BAIAP2L1: variants seen among roughly 807,000 people sequenced by gnomAD.
BAIAP2L1 encodes BAR/IMD domain containing adaptor protein 2 like 1.
BAIAP2L1 carries 35 observed loss-of-function variants against 66.3 expected under a neutral mutation model. The ratio of observed to expected loss-of-function variants is 0.53; its 90% CI spans 0.40 to 0.70. BAIAP2L1 has a LOEUF of 0.70. Among genes scored for constraint, BAIAP2L1 ranks in the 30% least tolerant of loss-of-function variants. The pLI, the probability that BAIAP2L1 is intolerant of heterozygous loss-of-function variation, is 0.00. For synonymous variants in BAIAP2L1, 269 were observed against 248.7 expected, an observed-to-expected ratio of 1.08 and a Z score of -0.77; for missense variants, 622 against 656.9, an observed-to-expected ratio of 0.95 and a Z score of 0.58.
intron 3 of BAIAP2L1, among the ~76,000 whole-genome samples, chr7:98,336,019 A>G (rs930675491): frequency 6.6e-6 from 1 of 152,172 alleles, no homozygotes; most frequent in Non-Finnish European, 1.5e-5. Flanking sequence ...GCTGGAGGCC[A>G]GTATCCTAAG....
At chr7:98,343,636 C>T (rs2115645757) in intron 3 of BAIAP2L1, among the ~76,000 whole-genome samples, 1 of 152,240 alleles carries the variant, frequency 6.6e-6, no homozygotes, top group Non-Finnish European at 1.5e-5. Flanking sequence ...ACCTTAAATC[C>T]AGACACTTAG....
intron 12 of BAIAP2L1, among the ~76,000 whole-genome samples, chr7:98,298,879 T>G (rs1270394136): frequency 6.6e-6 from 1 of 151,512 alleles, no homozygotes; most frequent in Non-Finnish European, 1.5e-5. Flanking sequence ...TCTTGCTCTG[T>G]CACCCAGGCT....
intron 1 of BAIAP2L1, among the ~76,000 whole-genome samples, chr7:98,387,657 C>T (rs1266625451): frequency 6.6e-6 from 1 of 151,248 alleles, no homozygotes; most frequent in Non-Finnish European, 1.5e-5. Context: ...CCCAGGAGTT[C>T]GAGACCAGCC....
intron 3 of BAIAP2L1, among the ~76,000 whole-genome samples, chr7:98,351,164 A>G (rs563801813): frequency 2.6e-5 from 4 of 152,226 alleles, no homozygotes; most frequent in South Asian, 4.1e-4. Flanking sequence ...CCCGGCCACA[A>G]TTATGAAGTC....
intron 3 of BAIAP2L1, among the ~76,000 whole-genome samples, chr7:98,328,109 CAT>C (rs1030695957): frequency 2.6e-5 from 4 of 151,614 alleles, no homozygotes; most frequent in African/African-American, 7.3e-5. Flanking sequence ...GCTCAAAAGA[CAT>C]TGATTTTTTT....
At chr7:98,397,071 G>A (rs2115867858) in intron 1 of BAIAP2L1, among the ~76,000 whole-genome samples, 1 of 152,166 alleles carries the variant, frequency 6.6e-6, no homozygotes, top group Admixed American at 6.5e-5. Context: ...GGAAGAGAGG[G>A]AAAGAAACAT....
chr7:98,359,207 C>G (rs1263755074), intron 2 of BAIAP2L1, among the ~76,000 whole-genome samples: 2 of 152,210 alleles, frequency 1.3e-5, no homozygotes, highest in African/African-American at 4.8e-5. Flanking sequence ...TGACCCTATC[C>G]CGCCCACGCC....
chr7:98,361,720 G>A (rs1802273985), intron 2 of BAIAP2L1, among the ~76,000 whole-genome samples: 1 of 152,042 alleles, frequency 6.6e-6, no homozygotes, highest in Non-Finnish European at 1.5e-5. Flanking sequence ...TTTCCATTCA[G>A]GCTAAAAAAA....
At chr7:98,392,376 T>C (rs2115847053) in intron 1 of BAIAP2L1, among the ~76,000 whole-genome samples, 1 of 151,944 alleles carries the variant, frequency 6.6e-6, no homozygotes, top group South Asian at 2.1e-4. Flanking sequence ...CTGGCTAGAG[T>C]TCAGGGAAAG....
intron 1 of BAIAP2L1, among the ~76,000 whole-genome samples, chr7:98,389,347 C>G (rs1584506418): frequency 6.6e-6 from 1 of 151,916 alleles, no homozygotes; most frequent in South Asian, 2.1e-4. Flanking sequence ...GAGACAGAGT[C>G]TCACTCTGTC....
intron 3 of BAIAP2L1, among the ~76,000 whole-genome samples, chr7:98,354,769 G>A (rs528276971): frequency 1.2e-4 from 19 of 152,158 alleles, no homozygotes; most frequent in Non-Finnish European, 1.8e-4. Context: ...AACTCCCAGC[G>A]GGAAGGGTGA....
At position 98,356,103 on chromosome 7, in the gene BAIAP2L1, T is replaced by A. The variant is rs6944262; in HGVS notation, c.128-975A>T. Among the ~76,000 whole-genome samples, 88 of 152,122 alleles carry A rather than the reference T, an allele frequency of 5.8e-4. 1 individual carries two copies. The East Asian group carries it at 0.015, about 27-fold the overall frequency. ...AAAAATAGTACTGCCCCCTTCGAAC[T>A]GATTCTGAAGACTAAATTATAACTA... is the stretch of plus-strand genomic sequence containing the variant. On this transcript the variant is annotated intron_variant, in intron 2 of 13. Transcript: ENST00000005260.
chr7:98,307,684 C>T lies in BAIAP2L1; in HGVS notation c.1163+5G>A. 1 of 1,613,730 alleles carries T rather than the reference C, an allele frequency of 6.2e-7. No individual in the cohort carries two copies. On this transcript the variant is annotated splice_donor_5th_base_variant and intron_variant, in intron 10 of 13. Coordinates refer to ENST00000005260, the MANE Select transcript of BAIAP2L1 (RefSeq NM_018842.5). Reference sequence around the variant, plus strand: ...CCCTGCGGGGACCATCACGCCCAGACTTACGCCTTGGACACGTCGTGTTCT... The same window carrying T: ...CCCTGCGGGGACCATCACGCCCAGATTTACGCCTTGGACACGTCGTGTTCT...
intron 12 of BAIAP2L1, among the ~76,000 whole-genome samples, chr7:98,295,094 CAG>C (rs1273385455): frequency 2.6e-5 from 4 of 152,220 alleles, no homozygotes; most frequent in African/African-American, 7.2e-5. Context: ...CAGGGGGTCT[CAG>C]GGAGCACGCA....
At chr7:98,308,590 G>C (rs752310191) in intron 9 of BAIAP2L1, 51 of 304,968 alleles carry the variant, frequency 1.7e-4, no homozygotes, top group Non-Finnish European at 2.9e-4. Context: ...CTACCCATGA[G>C]CACGAGGCTG....
At chr7:98,301,682 C>G (rs770630444) in intron 12 of BAIAP2L1, among the ~76,000 whole-genome samples, 7 of 151,968 alleles carry the variant, frequency 4.6e-5, no homozygotes, top group Middle Eastern at 3.4e-3. Flanking sequence ...TGTGTGCACA[C>G]GCGCGTCTGT....
At chr7:98,338,270 A>G (rs1801657577) in intron 3 of BAIAP2L1, among the ~76,000 whole-genome samples, 1 of 151,890 alleles carries the variant, frequency 6.6e-6, no homozygotes, top group African/African-American at 2.4e-5. Flanking sequence ...AATACAAAAA[A>G]AATTAGCCGG....
chr7:98,372,943 T>G (rs1185167014), intron 1 of BAIAP2L1, among the ~76,000 whole-genome samples: 1 of 152,154 alleles, frequency 6.6e-6, no homozygotes, highest in Non-Finnish European at 1.5e-5. Flanking sequence ...TTTCGCCATG[T>G]TGGCCAGGCT....
chr7:98,369,603 C>G (rs922309764), intron 1 of BAIAP2L1, among the ~76,000 whole-genome samples: 2 of 150,896 alleles, frequency 1.3e-5, no homozygotes, highest in African/African-American at 4.9e-5. Flanking sequence ...CAGATCTGTT[C>G]TTTCCTGCGG....
Sources: gnomAD v4.1 joint callset for allele counts (sites outside exome capture counted in the v4.1 genomes callset) on GRCh38, gnomAD v4.1.1 for gene constraint, MANE v1.5 for transcripts, NCBI Gene and HGNC (gene_info 2026-07-23, HGNC 2026-07-21) for gene names.